The following RBFOX1 variants were observed in gnomAD, a reference collection of about 807,000 sequenced individuals.
RBFOX1 encodes the protein RNA binding protein fox-1 homolog 1.
A neutral mutation model predicts 57.7 loss-of-function variants in RBFOX1; 8 were observed. The ratio of observed to expected loss-of-function variants is 0.14; its 90% confidence interval spans 0.08 to 0.25. The LOEUF is 0.25. Ranked by LOEUF, RBFOX1 falls within the 10% of genes least tolerant of loss-of-function variation. The pLI is 1.00. For synonymous variants in RBFOX1, 326 were observed against 222.4 expected (o/e 1.47, Z -4.15); for missense variants, 611 against 548.5 (o/e 1.11, Z -1.14).
intron 2 of RBFOX1, among the ~76,000 whole-genome samples, chr16:6,574,384 G>A (rs2097392743): frequency 6.6e-6 from 1 of 151,684 alleles, no homozygotes; most frequent in African/African-American, 2.4e-5. Flanking sequence ...TGAGGAGGGG[G>A]CGGAACTCGG....
At chr16:6,816,999 C>G (rs1026144457) in intron 3 of RBFOX1, among the ~76,000 whole-genome samples, 4 of 152,136 alleles carry the variant, frequency 2.6e-5, no homozygotes, top group Non-Finnish European at 1.5e-5. Context: ...CCCACTGCCT[C>G]TGCCTCCCAA....
chr16:7,131,981 G>C (rs1016808398), intron 4 of RBFOX1, among the ~76,000 whole-genome samples: 1 of 144,464 alleles, frequency 6.9e-6, no homozygotes, highest in African/African-American at 2.5e-5. Context: ...TTGATGACTA[G>C]AGTCCTTTTT....
chr16:7,375,492 G>C (rs1052708160), intron 4 of RBFOX1, among the ~76,000 whole-genome samples: 15 of 151,684 alleles, frequency 9.9e-5, no homozygotes, highest in African/African-American at 2.7e-4. Context: ...TGTTACGAGA[G>C]GTTTTGTTTT....
At chr16:6,963,161 C>T (rs111392687) in intron 3 of RBFOX1, among the ~76,000 whole-genome samples, 2,682 of 152,222 alleles carry the variant, frequency 0.018, 38 homozygotes, top group Non-Finnish European at 0.028. Context: ...GTAGTTGCCA[C>T]CCAAGCCTAG....
intron 4 of RBFOX1, among the ~76,000 whole-genome samples, chr16:7,344,711 C>A (rs1333996380): frequency 2.0e-5 from 3 of 152,160 alleles, no homozygotes; most frequent in Non-Finnish European, 2.9e-5. Context: ...AACTGAGGCT[C>A]AGCAAAGTGG....
chr16:6,012,156 G>A (rs1373996987), intron 4 of RBFOX1, among the ~76,000 whole-genome samples: 1 of 152,128 alleles, frequency 6.6e-6, no homozygotes, highest in Non-Finnish European at 1.5e-5. Flanking sequence ...TAAATTAATT[G>A]CTTACTACCT....
chr16:7,712,027 AAAAAAAG>A lies in RBFOX1; in HGVS notation c.*1290_*1296del, dbSNP rs1459218230. The stretch of plus-strand genomic sequence containing the variant: ...CCCAGGACACTTGTCAGAAGGATGC[AAAAAAAG>A]AAAAAAGTACATCCACCCTCTTAAT... On this transcript the variant is annotated 3_prime_UTR_variant, in exon 16 of 16. Coordinates refer to ENST00000550418, the MANE Select transcript of RBFOX1 (RefSeq NM_018723.4). 6.6e-6 allele frequency: 1 copy of A among 151,890 alleles called. No individual in the cohort carries two copies. Among genetic ancestry groups the A allele is most frequent in the African/African-American group, 2.5e-5 (1 of 40,812 alleles). The allele number at this position is 151,890 out of a possible 1,614,324, so 9.4% of individuals were successfully genotyped here. A position where few individuals can be genotyped will look rare whatever the true frequency, so the allele number is the denominator to read the frequency against.
chr16:7,428,155 A>T (rs901500362), intron 4 of RBFOX1, among the ~76,000 whole-genome samples: 3 of 152,024 alleles, frequency 2.0e-5, no homozygotes, highest in Non-Finnish European at 4.4e-5. Context: ...TGGATGTATC[A>T]CGTTGCATGA....
intron 3 of RBFOX1, among the ~76,000 whole-genome samples, chr16:6,789,729 A>G (rs2082584144): frequency 6.6e-6 from 1 of 152,008 alleles, no homozygotes; most frequent in Non-Finnish European, 1.5e-5. Flanking sequence ...TTTCACAGTA[A>G]TTTACACAGA....
intron 6 of RBFOX1, among the ~76,000 whole-genome samples, chr16:7,581,514 T>C (rs2093759281): frequency 6.6e-6 from 1 of 152,180 alleles, no homozygotes; most frequent in Non-Finnish European, 1.5e-5. Context: ...CCTGACACTC[T>C]TTCATGGTGT....
At chr16:7,187,725 A>AT (rs2084280096) in intron 4 of RBFOX1, among the ~76,000 whole-genome samples, 1 of 132,302 alleles carries the variant, frequency 7.6e-6, no homozygotes, top group Non-Finnish European at 1.6e-5. Flanking sequence ...AAAAAAAAAA[A>AT]GGAAAAGAAA....
At chr16:6,502,878 A>C (rs1211493723) in intron 2 of RBFOX1, among the ~76,000 whole-genome samples, 1 of 152,184 alleles carries the variant, frequency 6.6e-6, no homozygotes. Context: ...TGTCCGTTTT[A>C]TAGCAATGCC....
intron 2 of RBFOX1, among the ~76,000 whole-genome samples, chr16:6,648,614 C>A (rs1030969140): frequency 6.6e-6 from 1 of 152,154 alleles, no homozygotes; most frequent in Non-Finnish European, 1.5e-5. Context: ...GGCTTGGTAG[C>A]ATGCATCGAC....
intron 4 of RBFOX1, among the ~76,000 whole-genome samples, chr16:5,957,441 T>C (rs1024778028): frequency 6.6e-6 from 1 of 152,104 alleles, no homozygotes; most frequent in African/African-American, 2.4e-5. Flanking sequence ...CCTCACCTGG[T>C]CTTGAACCCC....
At chr16:5,639,092 CT>C (rs1350430471) in intron 3 of RBFOX1, among the ~76,000 whole-genome samples, 1 of 152,186 alleles carries the variant, frequency 6.6e-6, no homozygotes, top group African/African-American at 2.4e-5. Flanking sequence ...GTGAGATTTC[CT>C]AGATACCTCT....
At chr16:5,925,851 T>C (rs1373374558) in intron 4 of RBFOX1, among the ~76,000 whole-genome samples, 2 of 152,160 alleles carry the variant, frequency 1.3e-5, no homozygotes, top group Non-Finnish European at 2.9e-5. Context: ...CCTGGGCCCC[T>C]CTCAGCACTG....
Position 6,400,608 on chromosome 16 carries a change from G to C in RBFOX1, c.-64+83551G>C, listed in dbSNP as rs185961392. On this transcript the variant is annotated intron_variant, in intron 2 of 15. Coordinates refer to ENST00000550418, the MANE Select transcript of RBFOX1 (RefSeq NM_018723.4). ...AATATAAAAACAGAAATCAGGCTGG[G>C]CCTTGTAGCTCATGCCTGTAATCCC... Among the ~76,000 whole-genome samples the C allele has an allele frequency of 1.4e-3, 216 of 152,358 alleles. 1 individual carries two copies. The highest frequency in any genetic ancestry group is 3.5e-3 in the African/African-American group (147 of 41,582).
At chr16:7,702,318 C>T (rs1036959538) in intron 14 of RBFOX1, among the ~76,000 whole-genome samples, 6 of 152,062 alleles carry the variant, frequency 3.9e-5, no homozygotes, top group Admixed American at 6.5e-5. Context: ...TTTCTTTGTC[C>T]TTTGAAGTGA....
At position 6,802,291 on chromosome 16, in the gene RBFOX1, T is replaced by C. The variant is rs568606153; in HGVS notation, c.-16+147641T>C. Among the ~76,000 whole-genome samples, 146 of 152,280 alleles carry C rather than the reference T, an allele frequency of 9.6e-4. 1 individual carries two copies. The highest frequency in any genetic ancestry group is 6.0e-4 in the Non-Finnish European group (41 of 68,028). ...TGTGGAGGCCTGTGTTAGTGAGACC[T>C]GATTTGCCACACAGGGTCCTGTTGT... On this transcript the variant is annotated intron_variant, in intron 3 of 15. Transcript: ENST00000550418.
Sources: allele counts gnomAD v4.1 joint callset (sites outside exome capture counted in the v4.1 genomes callset), GRCh38; gene constraint gnomAD v4.1.1; transcripts MANE v1.5; gene names NCBI Gene and HGNC (gene_info 2026-07-23, HGNC 2026-07-21).